Variants in STIM1 observed in about 807,000 individuals in gnomAD.
The protein encoded by STIM1 is stromal interaction molecule 1.
A neutral mutation model predicts 74.7 loss-of-function variants in STIM1; 25 were observed. That is an observed-to-expected ratio of 0.33 (90% CI 0.24 to 0.47). STIM1 has a LOEUF of 0.47. STIM1 is among the 20% of genes least tolerant of loss of function. The pLI, the probability that STIM1 is intolerant of heterozygous loss-of-function variation, is 1.00. For synonymous variants in STIM1, 328 were observed against 348.8 expected (o/e 0.94, Z 0.66); for missense variants, 728 against 920.8 (o/e 0.79, Z 2.71).
rs569504186 is a variant in STIM1 at position 3,879,816 on chromosome 11, C to T, written c.139+23407C>T. Among the ~76,000 whole-genome samples, 4 of 152,178 alleles carry T rather than the reference C, an allele frequency of 2.6e-5. No homozygotes were observed. The South Asian group carries it at 8.3e-4, about 32-fold the overall frequency. On this transcript the variant is annotated intron_variant, in intron 1 of 12. Transcript: ENST00000526596. ...GGGTCACTCAAGGCAGAACATCTAC[C>T]TTGTGGGTTTTTAGGAGGTTTGGTT...
intron 2 of STIM1, among the ~76,000 whole-genome samples, chr11:3,998,470 G>A (rs1022552919): frequency 2.0e-5 from 3 of 152,114 alleles, no homozygotes; most frequent in African/African-American, 2.4e-5. Context: ...TCTGCTACAT[G>A]TTATAGGACA....
At chr11:3,890,312 A>T (rs1464476659) in intron 1 of STIM1, among the ~76,000 whole-genome samples, 2 of 152,138 alleles carry the variant, frequency 1.3e-5, no homozygotes, top group African/African-American at 4.8e-5. Flanking sequence ...TTCTGTGATC[A>T]TCCTCTTTTG....
chr11:3,993,272 T>C (rs1278827996), intron 2 of STIM1, among the ~76,000 whole-genome samples: 1 of 152,184 alleles, frequency 6.6e-6, no homozygotes, highest in Non-Finnish European at 1.5e-5. Context: ...TCTTTTATAT[T>C]CCTGCTTTAG....
chr11:4,018,388 C>T (rs1483843323), intron 2 of STIM1, among the ~76,000 whole-genome samples: 1 of 122,004 alleles, frequency 8.2e-6, no homozygotes, highest in Non-Finnish European at 1.6e-5. Context: ...GGAAGCGGAG[C>T]TTGCAGTGAG....
rs116646837 is a variant in STIM1 at position 3,882,819 on chromosome 11, T to A, written c.139+26410T>A. On this transcript the variant is annotated intron_variant, in intron 1 of 12. Coordinates refer to ENST00000526596, the MANE Select transcript of STIM1 (RefSeq NM_001382567.1). ...CTACATCTTCACCAAAGTTTGTTAT[T>A]TTTTTTATTATAACCATTCTTGTGG... Among the ~76,000 whole-genome samples the A allele has an allele frequency of 6.6e-3, 1,010 of 152,252 alleles. 14 individuals are homozygous for A. Among genetic ancestry groups the A allele is most frequent in the African/African-American group, 0.024 (985 of 41,552 alleles).
At chr11:3,972,912 C>T (rs551190485) in intron 2 of STIM1, 151 of 500,030 alleles carry the variant, frequency 3.0e-4, no homozygotes, top group African/African-American at 1.3e-3. Flanking sequence ...TTCCTCCTTT[C>T]GTGCATCCAA....
intron 2 of STIM1, among the ~76,000 whole-genome samples, chr11:4,002,914 C>T (rs1429399074): frequency 4.5e-5 from 6 of 132,752 alleles, no homozygotes; most frequent in Non-Finnish European, 8.3e-5. Flanking sequence ...ATATCACCAC[C>T]TATCCCACAG....
At chr11:4,080,855 A>C (rs547869932) in intron 7 of STIM1, among the ~76,000 whole-genome samples, 45 of 151,780 alleles carry the variant, frequency 3.0e-4, no homozygotes, top group Non-Finnish European at 5.2e-4. Context: ...TCTCTTCTTC[A>C]TCCATTCTTC....
chr11:3,864,035 C>T (rs1315619301), intron 1 of STIM1, among the ~76,000 whole-genome samples: 3 of 151,788 alleles, frequency 2.0e-5, no homozygotes, highest in Non-Finnish European at 2.9e-5. Context: ...TTCATTGTCT[C>T]ACTTCGGCTA....
chr11:3,950,837 C>T (rs1013347273), intron 1 of STIM1, among the ~76,000 whole-genome samples: 5 of 151,860 alleles, frequency 3.3e-5, no homozygotes, highest in Non-Finnish European at 5.9e-5. Context: ...GCTTTGTTGC[C>T]CAGGCTGATC....
At chr11:3,923,119 A>G (rs1460252097) in intron 1 of STIM1, among the ~76,000 whole-genome samples, 1 of 151,078 alleles carries the variant, frequency 6.6e-6, no homozygotes, top group Non-Finnish European at 1.5e-5. Context: ...AAAAAAACAA[A>G]CACTCTTTGC....
intron 1 of STIM1, among the ~76,000 whole-genome samples, chr11:3,941,579 A>ATC (rs1491402776): frequency 8.3e-6 from 1 of 120,356 alleles, no homozygotes; most frequent in Non-Finnish European, 1.7e-5. Flanking sequence ...TAGAAGAAGC[A>ATC]TATATATGTG....
intron 5 of STIM1, among the ~76,000 whole-genome samples, chr11:4,069,155 C>G (rs2094387554): frequency 6.6e-6 from 1 of 152,184 alleles, no homozygotes; most frequent in Non-Finnish European, 1.5e-5. Context: ...GGCACAGAGC[C>G]CAGATCTGGT....
At chr11:4,069,618 G>A (rs188964633) in intron 5 of STIM1, among the ~76,000 whole-genome samples, 89 of 152,226 alleles carry the variant, frequency 5.8e-4, no homozygotes, top group African/African-American at 2.1e-3. Context: ...CTTTATACCA[G>A]TCATCTCCAT....
chr11:4,019,961 C>T (rs924984710), intron 2 of STIM1, among the ~76,000 whole-genome samples: 1 of 152,166 alleles, frequency 6.6e-6, no homozygotes, highest in Admixed American at 6.5e-5. Flanking sequence ...TCTACCCTTC[C>T]CAGATTCTGG....
chr11:4,083,566 C>G, intron 10 of STIM1, 68 bp downstream of exon 10: 1 of 1,478,684 alleles, frequency 6.8e-7, no homozygotes. Context: ...TCTGTGGCCT[C>G]TGTTGTGCTT....
At chr11:3,966,780 A>G (rs774462433) in intron 1 of STIM1, among the ~76,000 whole-genome samples, 1 of 152,250 alleles carries the variant, frequency 6.6e-6, no homozygotes, top group Admixed American at 6.5e-5. Context: ...TGTGTGCATC[A>G]TTCAGACTAG....
intron 1 of STIM1, among the ~76,000 whole-genome samples, chr11:3,867,859 G>GGCAGGCAGGCAA (rs1210477515): frequency 1.4e-5 from 2 of 145,202 alleles, no homozygotes; most frequent in Non-Finnish European, 3.1e-5. Context: ...CAGGCAGGCA[G>GGCAGGCAGGCAA]GCAGGCAGGC....
chr11:3,909,811 A>T (rs1191679862), intron 1 of STIM1, among the ~76,000 whole-genome samples: 1 of 152,038 alleles, frequency 6.6e-6, no homozygotes, highest in Non-Finnish European at 1.5e-5. Flanking sequence ...AAAAAAAGAA[A>T]AAAAAAGTCA....
Sources: gnomAD v4.1 joint callset for allele counts (sites outside exome capture counted in the v4.1 genomes callset) on GRCh38, gnomAD v4.1.1 for gene constraint, MANE v1.5 for transcripts, NCBI Gene and HGNC (gene_info 2026-07-23, HGNC 2026-07-21) for gene names.